Variants in CHCHD3 observed in about 807,000 individuals in gnomAD.
The protein encoded by CHCHD3 is coiled-coil-helix-coiled-coil-helix domain containing 3, also known as MICOS complex subunit MIC19.
In CHCHD3, 20 loss-of-function variants were observed where a neutral mutation model predicts 38.2. The observed-to-expected ratio is 0.52, with a 90% CI of 0.37 to 0.76. The LOEUF is 0.76. Among genes scored for constraint, CHCHD3 ranks in the 30% least tolerant of loss-of-function variants. The probability of loss-of-function intolerance (pLI) is 0.00; values close to 1 mark genes in which losing one functional copy is unlikely to be tolerated. For missense variants in CHCHD3, 245 were observed against 279.2 expected (o/e 0.88, Z 0.87); for synonymous variants, 82 against 100.0 (o/e 0.82, Z 1.07).
intron 4 of CHCHD3, among the ~76,000 whole-genome samples, chr7:132,936,387 G>A (rs185658460): frequency 6.6e-6 from 1 of 152,260 alleles, no homozygotes; most frequent in African/African-American, 2.4e-5. Flanking sequence ...TCAAAAGCTT[G>A]CGGTTGCAAA....
chr7:133,017,941 A>G (rs1813072477), intron 3 of CHCHD3, among the ~76,000 whole-genome samples: 1 of 152,238 alleles, frequency 6.6e-6, no homozygotes, highest in African/African-American at 2.4e-5. Context: ...TACCTAGTAC[A>G]GACACAGCAC....
In CHCHD3 at chr7:133,060,630, C is replaced by T. The variant is rs139816797; in HGVS notation, c.169+9512G>A. Among the ~76,000 whole-genome samples, 29 of 152,242 alleles carry T rather than the reference C, an allele frequency of 1.9e-4. No individual in the cohort carries two copies. In the East Asian group the frequency reaches 5.4e-3, roughly 28 times the overall value. On this transcript the variant is annotated intron_variant, in intron 2 of 7. Coordinates refer to ENST00000262570, the MANE Select transcript of CHCHD3 (RefSeq NM_017812.4). ...CACGGTCAAAAACCCAAAAGGAGGC[C>T]GGGTGCGGTGGCTCAGGCCTGTAAT...
rs1378084861 is a variant in CHCHD3, at chr7:133,035,720, G to A, written c.170-11093C>T. 1 of 1,613,372 alleles carries A rather than the reference G, an allele frequency of 6.2e-7. No individual in the cohort carries two copies. The highest frequency in any genetic ancestry group is 8.5e-7 in the Non-Finnish European group (1 of 1,179,376). ...CAATGGCGTTGCTCTCAAACACACA[G>A]AATCCATCATCACCCTCAAATGCTG... On this transcript the variant is annotated intron_variant, in intron 2 of 7. Coordinates refer to ENST00000262570, the MANE Select transcript of CHCHD3 (RefSeq NM_017812.4). The surrounding 1 kb of genome is among the most constrained non-coding windows in gnomAD (Gnocchi z 4.7).
chr7:133,024,421 G>A, intron 3 of CHCHD3, 125 bp downstream of exon 3: 1 of 796,108 alleles, frequency 1.3e-6, no homozygotes. Context: ...AAGTTCATGT[G>A]TTCAGCACAT....
chr7:132,863,995 A>G (rs1341098392), intron 5 of CHCHD3, among the ~76,000 whole-genome samples: 1 of 152,220 alleles, frequency 6.6e-6, no homozygotes, highest in African/African-American at 2.4e-5. Flanking sequence ...GCAGTAATAA[A>G]GCTGTTTCAC....
chr7:132,854,072 A>C (rs149131769), intron 5 of CHCHD3, among the ~76,000 whole-genome samples: 90 of 152,318 alleles, frequency 5.9e-4, no homozygotes, highest in African/African-American at 2.1e-3. Flanking sequence ...GGGTTCCCTC[A>C]TCATTTGCTA....
At chr7:133,045,435 A>G (rs985586113) in intron 2 of CHCHD3, among the ~76,000 whole-genome samples, 3 of 152,190 alleles carry the variant, frequency 2.0e-5, no homozygotes, top group Non-Finnish European at 2.9e-5. Flanking sequence ...GAAACTCTCT[A>G]TGACAGTCAC....
At chr7:133,018,551 T>G (rs1166396339) in intron 3 of CHCHD3, among the ~76,000 whole-genome samples, 1 of 152,222 alleles carries the variant, frequency 6.6e-6, no homozygotes, top group Non-Finnish European at 1.5e-5. Flanking sequence ...AGAAATTACA[T>G]GCAGGTTGAA....
intron 5 of CHCHD3, among the ~76,000 whole-genome samples, chr7:132,870,610 G>T (rs1239858806): frequency 2.0e-5 from 3 of 151,618 alleles, no homozygotes; most frequent in Non-Finnish European, 4.4e-5. Flanking sequence ...ACAGATGAGG[G>T]ATCTGAGGGT....
intron 4 of CHCHD3, chr7:132,973,792 T>G (rs1414609719): frequency 9.2e-7 from 1 of 1,088,324 alleles, no homozygotes; most frequent in Non-Finnish European, 1.1e-6. Context: ...TGAGCCTTCT[T>G]CTTAGAAAGT....
In CHCHD3 at chr7:132,988,070, G is replaced by A. The variant is rs150460343; in HGVS notation, c.252-12784C>T. Among the ~76,000 whole-genome samples, 891 of 152,098 alleles carry A rather than the reference G, an allele frequency of 5.9e-3. 11 individuals carry two copies. Among genetic ancestry groups the A allele is most frequent in the Admixed American group, 9.1e-3 (139 of 15,280 alleles). On this transcript the variant is annotated intron_variant, in intron 3 of 7. Coordinates refer to ENST00000262570, the MANE Select transcript of CHCHD3 (RefSeq NM_017812.4). ...CTACTCTGCTATTGGTAAGGCTTCC[G>A]GTCAATAGATGACTATTACTAGTTC...
chr7:132,908,002 AT>A (rs1382106569), intron 4 of CHCHD3, among the ~76,000 whole-genome samples: 7 of 152,170 alleles, frequency 4.6e-5, no homozygotes, highest in Non-Finnish European at 1.0e-4. Context: ...CCACAGAAAA[AT>A]CTCCAAATAG....
intron 4 of CHCHD3, among the ~76,000 whole-genome samples, chr7:132,916,713 C>T (rs977793561): frequency 5.3e-5 from 8 of 152,146 alleles, no homozygotes; most frequent in African/African-American, 1.9e-4. Context: ...TCCTGAGTAG[C>T]TGGGACCACC....
Position 132,845,314 on chromosome 7 carries a change from G to GA in CHCHD3, c.454-6846dup, listed in dbSNP as rs369489355. 5.1e-4 allele frequency among the ~76,000 whole-genome samples: 77 copies of GA among 152,038 alleles called. No homozygotes were observed. In the East Asian group the frequency reaches 0.013, roughly 26 times the overall value. On this transcript the variant is annotated intron_variant, in intron 5 of 7. Coordinates refer to ENST00000262570, the MANE Select transcript of CHCHD3 (RefSeq NM_017812.4). ...TTATTAAAAATTATTTGAACAGGGGGAAAAAAACTGTATAGTGTGGGGTGG... is the reference window on the plus strand; with the variant it reads ...TTATTAAAAATTATTTGAACAGGGGGAAAAAAAACTGTATAGTGTGGGGTGG...
At chr7:132,973,108 A>G (rs1219810758) in intron 4 of CHCHD3, 1 of 985,184 alleles carries the variant, frequency 1.0e-6, no homozygotes, top group East Asian at 1.1e-4. Flanking sequence ...TGAGTTTTTG[A>G]ATCTTGCTGG....
chr7:132,827,842 T>G (rs1260870574), intron 6 of CHCHD3, among the ~76,000 whole-genome samples: 1 of 152,216 alleles, frequency 6.6e-6, no homozygotes, highest in Non-Finnish European at 1.5e-5. Flanking sequence ...TGCTGTTACA[T>G]GTATCGATAG....
intron 3 of CHCHD3, among the ~76,000 whole-genome samples, chr7:132,985,919 G>C (rs749015582): frequency 0.058 from 3,130 of 53,600 alleles, 47 homozygotes; most frequent in Middle Eastern, 0.094. Flanking sequence ...ACAGCTCATT[G>C]AGAACGGGCC....
At chr7:132,812,169 T>A (rs1807086188) in intron 6 of CHCHD3, among the ~76,000 whole-genome samples, 2 of 151,394 alleles carry the variant, frequency 1.3e-5, no homozygotes, top group South Asian at 4.2e-4. Flanking sequence ...TTCTAATAGA[T>A]CTAGAATTGA....
intron 4 of CHCHD3, among the ~76,000 whole-genome samples, chr7:132,920,649 T>C (rs1159839901): frequency 6.6e-6 from 1 of 152,216 alleles, no homozygotes; most frequent in Admixed American, 6.5e-5. Flanking sequence ...CAGAATGCTT[T>C]TGTGTGTTTT....
Sources: allele counts gnomAD v4.1 joint callset (sites outside exome capture counted in the v4.1 genomes callset), GRCh38; gene constraint gnomAD v4.1.1; non-coding constraint Gnocchi (gnomAD v3.1); transcripts MANE v1.5; gene names NCBI Gene and HGNC (gene_info 2026-07-23, HGNC 2026-07-21).